The following FAM135B variants were observed in gnomAD, a reference collection of about 807,000 sequenced individuals.
The protein encoded by FAM135B is protein FAM135B.
FAM135B carries 43 observed loss-of-function variants against 127.7 expected under a neutral mutation model. That is an observed-to-expected ratio of 0.34 (90% confidence interval 0.26 to 0.43). The LOEUF is 0.43. FAM135B is among the 20% of genes least tolerant of loss of function. The pLI, the probability that FAM135B is intolerant of heterozygous loss-of-function variation, is 1.00. For synonymous variants in FAM135B, 670 were observed against 665.1 expected (o/e 1.01, Z -0.11); for missense variants, 1,558 against 1,725.6 (o/e 0.90, Z 1.72).
intron 2 of FAM135B, among the ~76,000 whole-genome samples, chr8:138,343,277 C>T (rs948180767): frequency 2.0e-5 from 3 of 152,198 alleles, no homozygotes; most frequent in African/African-American, 7.2e-5. Flanking sequence ...GGTTTCCCAG[C>T]TCTAGAGACG....
chr8:138,466,673 C>G (rs1232961759), intron 1 of FAM135B, among the ~76,000 whole-genome samples: 1 of 152,178 alleles, frequency 6.6e-6, no homozygotes, highest in Non-Finnish European at 1.5e-5. Context: ...AATTAATAAT[C>G]TATGCCAATG....
intron 7 of FAM135B, among the ~76,000 whole-genome samples, chr8:138,225,084 T>C (rs771471839): frequency 6.6e-6 from 1 of 152,210 alleles, no homozygotes; most frequent in Non-Finnish European, 1.5e-5. Context: ...AAATAGATTT[T>C]AAACATTCTT....
rs1822871133 is a variant in FAM135B, at chr8:138,265,795, T to A, written c.205A>T (p.Ser69Cys). The change falls in exon 4 of 20, where the codon AGC (serine) becomes TGC (cysteine). Residue 69 changes from serine (S) to cysteine (C), a missense_variant. By Grantham distance (112) the Ser-to-Cys change is moderately radical (BLOSUM62 -1). This residue lies in a region of FAM135B where 199 missense variants were observed against 245.7 expected (regional missense o/e 0.81). Transcript: ENST00000395297. ...CGGTATAAGATCTGAAAGACCCGGC[T>A]GTGCACGGTGCTGTCATGGACACAG... ...SACVHDSTVH[S>C]RVFQILYRNE... The A allele has an allele frequency of 6.2e-7, 1 of 1,614,062 alleles. No homozygotes were observed. Among genetic ancestry groups the A allele is most frequent in the Admixed American group, 1.7e-5 (1 of 60,024 alleles).
At chr8:138,149,145 AAAT>A (rs879459359) in intron 13 of FAM135B, among the ~76,000 whole-genome samples, 23,721 of 150,866 alleles carry the variant, frequency 0.16, 2,258 homozygotes, top group African/African-American at 0.26. Context: ...AAAAATAAAT[AAAT>A]AAATAAATAA....
At chr8:138,302,866 GGTAA>G (rs1825988614) in intron 3 of FAM135B, among the ~76,000 whole-genome samples, 1 of 152,200 alleles carries the variant, frequency 6.6e-6, no homozygotes, top group African/African-American at 2.4e-5. Context: ...TTTTATGCTG[GGTAA>G]GTATCTTAAC....
intron 1 of FAM135B, among the ~76,000 whole-genome samples, chr8:138,467,632 A>C (rs1017021617): frequency 6.6e-6 from 1 of 152,218 alleles, no homozygotes; most frequent in Non-Finnish European, 1.5e-5. Flanking sequence ...GACAACTCCA[A>C]CATGTGGAAA....
At chr8:138,447,654 TG>T (rs1836259342) in intron 1 of FAM135B, among the ~76,000 whole-genome samples, 2 of 87,876 alleles carry the variant, frequency 2.3e-5, no homozygotes, top group African/African-American at 5.0e-5. Context: ...GGGCCTGTTG[TG>T]GGGTGGGGAT....
chr8:138,208,713 C>G (rs1817903846), intron 7 of FAM135B, among the ~76,000 whole-genome samples: 2 of 152,082 alleles, frequency 1.3e-5, no homozygotes, highest in Admixed American at 1.3e-4. Context: ...GAGTTCTTTG[C>G]CATCATAAAG....
At chr8:138,188,830 T>C (rs1815832234) in intron 9 of FAM135B, among the ~76,000 whole-genome samples, 1 of 152,102 alleles carries the variant, frequency 6.6e-6, no homozygotes, top group South Asian at 2.1e-4. Flanking sequence ...TAGCCTCCTC[T>C]CTCAGGTCCA....
chr8:138,222,650 G>C (rs1312239284), intron 7 of FAM135B, among the ~76,000 whole-genome samples: 1 of 104,166 alleles, frequency 9.6e-6, no homozygotes, highest in East Asian at 3.0e-4. Context: ...TTTTTTGTTT[G>C]TTTGTTTGTA....
rs1816897081 is a variant in FAM135B at position 138,138,988 on chromosome 8, G to A, written c.3899C>T (p.Thr1300Ile). 4 of 1,605,330 alleles carry A rather than the reference G, an allele frequency of 2.5e-6. No homozygotes were observed. Among genetic ancestry groups the A allele is most frequent in the South Asian group, 1.1e-5 (1 of 90,906 alleles). ...CAGCTGTGGGGGAAACCACTGACCT[G>A]TTTTTTGGCTTAGTTGGTAGAGGAA... The part of the protein sequence containing the change: ...KCFLYQLSQK[T>I]GLQYFKNVVL... Residue 1300 changes from threonine (T) to isoleucine (I), a missense_variant and splice_region_variant, in exon 18 of 20, where the codon ACA (threonine) becomes ATA (isoleucine). Thr to Ile is a moderately conservative substitution (Grantham distance 89). Coordinates refer to ENST00000395297, the MANE Select transcript of FAM135B (RefSeq NM_015912.4).
At chr8:138,413,943 C>T (rs1467279882) in intron 1 of FAM135B, among the ~76,000 whole-genome samples, 3 of 151,274 alleles carry the variant, frequency 2.0e-5, no homozygotes, top group Non-Finnish European at 4.4e-5. Flanking sequence ...CTACACCCTT[C>T]ACTTCCCAAT....
chr8:138,473,751 T>C (rs916183118), intron 1 of FAM135B, among the ~76,000 whole-genome samples: 1 of 152,018 alleles, frequency 6.6e-6, no homozygotes, highest in Non-Finnish European at 1.5e-5. Flanking sequence ...TAAGATACAA[T>C]AGTGAAAACA....
intron 7 of FAM135B, among the ~76,000 whole-genome samples, chr8:138,205,165 T>C (rs1817458748): frequency 6.6e-6 from 1 of 152,238 alleles, no homozygotes; most frequent in African/African-American, 2.4e-5. Context: ...AAGTGCTTTA[T>C]GTGTATTAAG....
intron 1 of FAM135B, chr8:138,441,926 T>C (rs1405365090): frequency 6.6e-6 from 1 of 151,462 alleles, no homozygotes; most frequent in African/African-American, 2.4e-5. Flanking sequence ...AGAGAGAAAT[T>C]TGGAAGGAAG....
chr8:138,378,075 G>C (rs769340191), intron 1 of FAM135B, among the ~76,000 whole-genome samples: 42 of 152,292 alleles, frequency 2.8e-4, no homozygotes, highest in Non-Finnish European at 5.0e-4. Flanking sequence ...TGGAAACTTG[G>C]ACAAGTCACA....
chr8:138,300,194 C>T (rs1345385157), intron 3 of FAM135B, among the ~76,000 whole-genome samples: 9 of 151,938 alleles, frequency 5.9e-5, no homozygotes, highest in Admixed American at 5.9e-4. Context: ...TGAGAACACT[C>T]CCCTTTCTCA....
intron 2 of FAM135B, among the ~76,000 whole-genome samples, chr8:138,344,390 T>C (rs1829258097): frequency 6.6e-6 from 1 of 152,044 alleles, no homozygotes; most frequent in Non-Finnish European, 1.5e-5. Flanking sequence ...CCTCACTTCA[T>C]TTTCTGAAAT....
At chr8:138,419,189 A>G (rs1299616405) in intron 1 of FAM135B, among the ~76,000 whole-genome samples, 1 of 152,140 alleles carries the variant, frequency 6.6e-6, no homozygotes, top group African/African-American at 2.4e-5. Flanking sequence ...AAACAACAGA[A>G]AAGAGCAGAG....
Sources: allele counts gnomAD v4.1 joint callset (sites outside exome capture counted in the v4.1 genomes callset), GRCh38; gene constraint gnomAD v4.1.1; regional missense constraint gnomAD v4.1.1; transcripts MANE v1.5; gene names NCBI Gene and HGNC (gene_info 2026-07-23, HGNC 2026-07-21).